Variants in SNX33 observed in about 807,000 individuals in gnomAD.
The protein encoded by SNX33 is sorting nexin 33.
In SNX33, 19 loss-of-function variants were observed where a neutral mutation model predicts 38.8. That is an observed-to-expected ratio of 0.49 (90% CI 0.34 to 0.72). The LOEUF is 0.72. Among genes scored for constraint, SNX33 ranks in the 30% least tolerant of loss-of-function variants. The pLI, the probability that SNX33 is intolerant of heterozygous loss-of-function variation, is 0.01. For synonymous variants in SNX33, 246 were observed against 289.7 expected, an observed-to-expected ratio of 0.85 and a Z score of 1.53; for missense variants, 641 against 776.4, an observed-to-expected ratio of 0.83 and a Z score of 2.07.
intron 1 of SNX33, among the ~76,000 whole-genome samples, chr15:75,655,370 T>C (rs28454134): frequency 0.048 from 7,251 of 152,294 alleles, 547 homozygotes; most frequent in African/African-American, 0.16. Context: ...TGATCCCCCT[T>C]CTGCTGCCCA....
Position 75,648,375 on chromosome 15 carries a change from G to A in SNX33, c.-728G>A, listed in dbSNP as rs2141395550. 1 of 985,426 alleles carries A rather than the reference G, an allele frequency of 1.0e-6. No homozygotes were observed. The highest frequency in any genetic ancestry group is 1.2e-6 in the Non-Finnish European group (1 of 829,952). 61.0% of individuals were successfully genotyped at this position (985,426 alleles called of 1,614,324 possible). A position where few individuals can be genotyped will look rare whatever the true frequency, so the allele number is the denominator to read the frequency against. On this transcript the variant is annotated 5_prime_UTR_variant, in exon 1 of 2. Transcript: ENST00000308527. This position sits in a 1 kb window ranked among gnomAD's most constrained non-coding sequence, Gnocchi z 4.4. The stretch of plus-strand genomic sequence containing the variant: ...GGGCGCCCGAGCCGGCGGGGGCTCC[G>A]GCTGCGCAGCCGGGGTCGAAGAGTT...
chr15:75,662,232 A>G lies in SNX33; in HGVS notation c.*5017A>G, dbSNP rs1407145851. 6.6e-6 allele frequency: 1 copy of G among 152,164 alleles called. No homozygotes were observed. Among genetic ancestry groups the G allele is most frequent in the East Asian group, 1.9e-4 (1 of 5,196 alleles). The allele number at this position is 152,164 out of a possible 1,614,324, so 9.4% of individuals were successfully genotyped here. A position where few individuals can be genotyped will look rare whatever the true frequency, so the allele number is the denominator to read the frequency against. ...ACATATTAATATTTACCTGCATTCCACATTAAAGGGTTCAGTTTATGACTT... is the reference window on the plus strand; with the variant it reads ...ACATATTAATATTTACCTGCATTCCGCATTAAAGGGTTCAGTTTATGACTT... On this transcript the variant is annotated 3_prime_UTR_variant, in exon 2 of 2. Coordinates refer to ENST00000308527, the MANE Select transcript of SNX33 (RefSeq NM_153271.2).
chr15:75,655,079 T>C (rs1258347234), intron 1 of SNX33, among the ~76,000 whole-genome samples: 2 of 152,242 alleles, frequency 1.3e-5, no homozygotes, highest in African/African-American at 4.8e-5. Context: ...TTCCTACTCC[T>C]TGGGACCTTC....
rs923391152 is a variant in SNX33 at position 75,659,209 on chromosome 15, A to C, written c.*1994A>C. On this transcript the variant is annotated 3_prime_UTR_variant, in exon 2 of 2. Coordinates refer to ENST00000308527, the MANE Select transcript of SNX33 (RefSeq NM_153271.2). ...TGCTCTTGGATCTGTTCATCCACAG[A>C]TGAGAGGAGGGTACTGGTTGAGACT... The C allele has an allele frequency of 2.6e-5, 4 of 152,282 alleles. No individual in the cohort carries two copies. The highest frequency in any genetic ancestry group is 9.7e-5 in the African/African-American group (4 of 41,432). 9.4% of individuals were successfully genotyped at this position (152,282 alleles called of 1,614,324 possible).
rs1271295167 is a variant in SNX33 at position 75,660,056 on chromosome 15, C to T, written c.*2841C>T. ...CATCCTGGTGATGGCCGATTCCTGC[C>T]TCGTCACATGCCAGGCAGATGTTCC... On this transcript the variant is annotated 3_prime_UTR_variant, in exon 2 of 2. Transcript: ENST00000308527. 1 of 152,192 alleles carries T rather than the reference C, an allele frequency of 6.6e-6. No homozygotes were observed. The highest frequency in any genetic ancestry group is 1.5e-5 in the Non-Finnish European group (1 of 68,082). The allele number at this position is 152,192 out of a possible 1,614,324, so 9.4% of individuals were successfully genotyped here.
Position 75,648,628 on chromosome 15 carries a change from G to A in SNX33, c.-475G>A, listed in dbSNP as rs1893528632. 1.2e-6 allele frequency: 1 copy of A among 811,248 alleles called. No individual in the cohort carries two copies. 50.3% of individuals were successfully genotyped at this position (811,248 alleles called of 1,614,324 possible). ...CCTCCCAAAGCGAGAGCCGCCAAAA[G>A]AATCTGGGAGCCAGAGGGACAGCCG... On this transcript the variant is annotated 5_prime_UTR_variant, in exon 1 of 2. Transcript: ENST00000308527. This position sits in a 1 kb window ranked among gnomAD's most constrained non-coding sequence, Gnocchi z 4.4.
Position 75,648,146 on chromosome 15 carries a change from C to T in SNX33, c.-957C>T, listed in dbSNP as rs574703784. On this transcript the variant is annotated 5_prime_UTR_variant, in exon 1 of 2. Transcript: ENST00000308527. This position sits in a 1 kb window ranked among gnomAD's most constrained non-coding sequence, Gnocchi z 4.4. ...GGTGGTGATCGGGGGTCGTAAGTCCCGGGTGAGGAACCGGTTTCTGCTGGG... is the reference window on the plus strand; with the variant it reads ...GGTGGTGATCGGGGGTCGTAAGTCCTGGGTGAGGAACCGGTTTCTGCTGGG... 1.1e-5 allele frequency: 11 copies of T among 985,480 alleles called. No individual in the cohort carries two copies. Among genetic ancestry groups the T allele is most frequent in the African/African-American group, 5.2e-5 (3 of 57,338 alleles). 61.0% of individuals were successfully genotyped at this position (985,480 alleles called of 1,614,324 possible).
intron 1 of SNX33, among the ~76,000 whole-genome samples, chr15:75,651,091 C>A (rs1037254561): frequency 1.3e-5 from 2 of 152,200 alleles, no homozygotes; most frequent in African/African-American, 4.8e-5. Context: ...GACCAGGCCC[C>A]AGGCCTTGCC....
At chr15:75,651,306 T>C (rs1215648873) in intron 1 of SNX33, among the ~76,000 whole-genome samples, 1 of 152,216 alleles carries the variant, frequency 6.6e-6, no homozygotes, top group East Asian at 1.9e-4. Flanking sequence ...ATGAAGGAGC[T>C]AGTGTCCACA....
rs779111603 is a variant in SNX33 at position 75,656,991 on chromosome 15, C to T, written c.1501C>T (p.Arg501Cys). ...GAFAKVKESQ[R>C]MSDEGRMVQD... ...CTTCGCCAAGGTGAAGGAGAGCCAACGCATGAGTGACGAGGGCCGCATGGT... is the reference window on the plus strand; with the variant it reads ...CTTCGCCAAGGTGAAGGAGAGCCAATGCATGAGTGACGAGGGCCGCATGGT... Residue 501 changes from arginine (R) to cysteine (C), a missense_variant, in exon 2 of 2, where the codon CGC becomes TGC. By Grantham distance (180) the Arg-to-Cys change is radical. Coordinates refer to ENST00000308527, the MANE Select transcript of SNX33 (RefSeq NM_153271.2). 6 of 1,613,842 alleles carry T rather than the reference C, an allele frequency of 3.7e-6. No homozygotes were observed. The highest frequency in any genetic ancestry group is 1.7e-5 in the Admixed American group (1 of 59,988).
intron 1 of SNX33, among the ~76,000 whole-genome samples, chr15:75,655,640 A>T (rs995482008): frequency 1.3e-5 from 2 of 152,258 alleles, no homozygotes; most frequent in African/African-American, 2.4e-5. Flanking sequence ...GATATACAGT[A>T]AGTGCTCAAT....
At chr15:75,654,042 G>A (rs1034230191) in intron 1 of SNX33, among the ~76,000 whole-genome samples, 9 of 149,246 alleles carry the variant, frequency 6.0e-5, no homozygotes, top group Non-Finnish European at 1.2e-4. Flanking sequence ...GCAGTGAGCC[G>A]AGATCAAGCC....
chr15:75,650,068 G>C lies in SNX33; in HGVS notation c.966G>C (p.Val322=). The C allele has an allele frequency of 6.2e-7, 1 of 1,613,930 alleles. No homozygotes were observed. The highest frequency in any genetic ancestry group is 1.7e-5 in the Admixed American group (1 of 59,976). ...TGGACCACATGACCAGCCACCCTGT[G>C]CTCTCCCAGTACGAAGGCTTCCAGC... The part of the protein sequence containing the change: ...LWMDHMTSHP[V]LSQYEGFQHF... Residue 322 remains valine (V), a synonymous_variant, in exon 1 of 2, where the codon GTG becomes GTC. Transcript: ENST00000308527. This position sits in a 1 kb window ranked among gnomAD's most constrained non-coding sequence, Gnocchi z 6.1.
In SNX33 at chr15:75,647,918, T is replaced by C. The variant is rs1427689369; in HGVS notation, c.-1185T>C. ...GACGCCACCTCCCGGAATCGCCTTTTTGTTTTGGAGCTGCCTTCTCGCTGG... is the reference window on the plus strand; with the variant it reads ...GACGCCACCTCCCGGAATCGCCTTTCTGTTTTGGAGCTGCCTTCTCGCTGG... On this transcript the variant is annotated 5_prime_UTR_variant, in exon 1 of 2. Transcript: ENST00000308527. 1 of 985,406 alleles carries C rather than the reference T, an allele frequency of 1.0e-6. No individual in the cohort carries two copies. The allele number at this position is 985,406 out of a possible 1,614,324, so 61.0% of individuals were successfully genotyped here.
rs1893541504 is a variant in SNX33, at chr15:75,649,424, A to G, written c.322A>G (p.Ser108Gly). The G allele has an allele frequency of 2.6e-6, 4 of 1,536,982 alleles. No individual in the cohort carries two copies. Among genetic ancestry groups the G allele is most frequent in the Non-Finnish European group, 3.5e-6 (4 of 1,139,460 alleles). Residue 108 changes from serine to glycine, a missense_variant, in exon 1 of 2, where the codon AGC (serine) becomes GGC (glycine). Coordinates refer to ENST00000308527, the MANE Select transcript of SNX33 (RefSeq NM_153271.2). The surrounding 1 kb of genome is among the most constrained non-coding windows in gnomAD (Gnocchi z 6.6). Reference sequence around the variant, plus strand: ...CAGTGGCTTCCTCTCAAACCAGGGTAGCTTTGAGGAGGATGATGATGATGA... The same window carrying G: ...CAGTGGCTTCCTCTCAAACCAGGGTGGCTTTGAGGAGGATGATGATGATGA... Reference protein sequence around the residue: ...GGSGFLSNQGSFEEDDDDDWD... With the variant: ...GGSGFLSNQGGFEEDDDDDWD...
Position 75,649,435 on chromosome 15 carries a change from G to GGAT in SNX33, c.345_347dup (p.Asp116dup), listed in dbSNP as rs1566966360. 1 of 1,537,750 alleles carries GGAT rather than the reference G, an allele frequency of 6.5e-7. No homozygotes were observed. Among genetic ancestry groups the GGAT allele is most frequent in the Non-Finnish European group, 8.8e-7 (1 of 1,139,768 alleles). ...TCTCAAACCAGGGTAGCTTTGAGGA[G>GGAT]GATGATGATGATGACTGGGATGACT... On this transcript the variant is annotated inframe_insertion, in exon 1 of 2. Coordinates refer to ENST00000308527, the MANE Select transcript of SNX33 (RefSeq NM_153271.2). The surrounding 1 kb of genome is among the most constrained non-coding windows in gnomAD (Gnocchi z 6.6).
chr15:75,652,067 A>G (rs1207406754), intron 1 of SNX33, among the ~76,000 whole-genome samples: 1 of 148,640 alleles, frequency 6.7e-6, no homozygotes, highest in East Asian at 2.0e-4. Context: ...TCCAGGAAAC[A>G]CAAACCTGAG....
Position 75,649,310 on chromosome 15 carries a change from T to C in SNX33, c.208T>C (p.Tyr70His), listed in dbSNP as rs376935129. The change falls in exon 1 of 2, where the codon TAC becomes CAC. Residue 70 changes from tyrosine (Y) to histidine (H), a missense_variant. Physicochemically the swap from Tyr to His is moderately conservative, Grantham distance 83 (BLOSUM62 2). Transcript: ENST00000308527. The surrounding 1 kb of genome is among the most constrained non-coding windows in gnomAD (Gnocchi z 6.6). ...TGGCATCAGCACCAACCATGCTGAC[T>C]ACTCCAGCAGCCCTGCAGGCTCTCC... The part of the protein sequence containing the change: ...RSGISTNHAD[Y>H]SSSPAGSPGA... 4 of 1,603,442 alleles carry C rather than the reference T, an allele frequency of 2.5e-6. No individual in the cohort carries two copies. The African/African-American group carries it at 5.4e-5, about 21-fold the overall frequency.
Position 75,661,065 on chromosome 15 carries a change from C to T in SNX33, c.*3850C>T, listed in dbSNP as rs1893717560. On this transcript the variant is annotated 3_prime_UTR_variant, in exon 2 of 2. Transcript: ENST00000308527. The surrounding 1 kb of genome is among the most constrained non-coding windows in gnomAD (Gnocchi z 4.5). ...GGGCCAGAGCCTGGCTCTGGGCAGACTCTGTTTCCTGGCCCTGCCCTCCCC... is the reference window on the plus strand; with the variant it reads ...GGGCCAGAGCCTGGCTCTGGGCAGATTCTGTTTCCTGGCCCTGCCCTCCCC... 6.6e-6 allele frequency: 1 copy of T among 152,192 alleles called. No homozygotes were observed. Among genetic ancestry groups the T allele is most frequent in the Non-Finnish European group, 1.5e-5 (1 of 68,026 alleles). The allele number at this position is 152,192 out of a possible 1,614,324, so 9.4% of individuals were successfully genotyped here.
Sources: allele counts gnomAD v4.1 joint callset (sites outside exome capture counted in the v4.1 genomes callset), GRCh38; gene constraint gnomAD v4.1.1; non-coding constraint Gnocchi (gnomAD v3.1); transcripts MANE v1.5; gene names NCBI Gene and HGNC (gene_info 2026-07-23, HGNC 2026-07-21).